Variants in WWC1 observed in about 807,000 individuals in gnomAD.
WWC1 encodes WW and C2 domain containing 1.
WWC1 carries 55 observed loss-of-function variants against 138.4 expected under a neutral mutation model. That is an observed-to-expected ratio of 0.40 (90% CI 0.32 to 0.50). The LOEUF (loss-of-function observed/expected upper bound fraction) is 0.50, where lower values mean the gene tolerates loss of function less well. Among genes scored for constraint, WWC1 ranks in the 20% least tolerant of loss-of-function variants. The pLI is 0.72. For missense variants in WWC1, 1,226 were observed against 1,420.4 expected, an observed-to-expected ratio of 0.86 and a Z score of 2.20; for synonymous variants, 524 against 564.9, an observed-to-expected ratio of 0.93 and a Z score of 1.03.
chr5:168,375,290 G>A (rs1582081308), intron 2 of WWC1, among the ~76,000 whole-genome samples: 1 of 152,276 alleles, frequency 6.6e-6, no homozygotes, highest in Non-Finnish European at 1.5e-5. Flanking sequence ...TTCTGAGAAA[G>A]AGTGATCAGA....
intron 1 of WWC1, among the ~76,000 whole-genome samples, chr5:168,350,703 C>A (rs145019173): frequency 2.0e-5 from 3 of 152,334 alleles, no homozygotes; most frequent in Non-Finnish European, 2.9e-5. Flanking sequence ...TTCATTCATT[C>A]ATTCTTCTGC....
chr5:168,347,577 C>T (rs994252370), intron 1 of WWC1, among the ~76,000 whole-genome samples: 15 of 152,186 alleles, frequency 9.9e-5, no homozygotes, highest in Non-Finnish European at 1.8e-4. Flanking sequence ...CTGTTTCTGT[C>T]ATTCTGTCAG....
intron 1 of WWC1, among the ~76,000 whole-genome samples, chr5:168,351,143 TCAAAAAAAAAAAAAAA>T (rs1353766347): frequency 7.4e-6 from 1 of 134,400 alleles, no homozygotes; most frequent in Non-Finnish European, 1.6e-5. Flanking sequence ...AGACCTTGTC[TCAAAAAAAAAAAAAAA>T]AATCCCAGCT....
chr5:168,302,706 T>A (rs1432786496), intron 1 of WWC1, among the ~76,000 whole-genome samples: 1 of 152,166 alleles, frequency 6.6e-6, no homozygotes, highest in Non-Finnish European at 1.5e-5. Context: ...ATAGTAGAAA[T>A]ACCAGGCTCT....
At chr5:168,404,698 C>T (rs540869730) in intron 5 of WWC1, among the ~76,000 whole-genome samples, 6 of 152,236 alleles carry the variant, frequency 3.9e-5, no homozygotes, top group Admixed American at 2.0e-4. Context: ...GTGGTGTTCC[C>T]GCAGACTGTA....
intron 9 of WWC1, chr5:168,415,001 T>G (rs1337004035): frequency 1.2e-5 from 2 of 173,358 alleles, no homozygotes; most frequent in Non-Finnish European, 2.5e-5. Context: ...TCTGATGTTT[T>G]CTCCCTTCTG....
At chr5:168,351,019 T>C (rs1398511185) in intron 1 of WWC1, among the ~76,000 whole-genome samples, 1 of 151,974 alleles carries the variant, frequency 6.6e-6, no homozygotes, top group Non-Finnish European at 1.5e-5. Context: ...TGGTGGTGCA[T>C]GCCTGTAATC....
At chr5:168,453,409 TGA>T (rs1168212759) in intron 17 of WWC1, among the ~76,000 whole-genome samples, 4 of 152,036 alleles carry the variant, frequency 2.6e-5, no homozygotes, top group Admixed American at 2.6e-4. Flanking sequence ...GCCTAGTGGG[TGA>T]TTAAACTGGG....
intron 7 of WWC1, among the ~76,000 whole-genome samples, chr5:168,409,003 T>C (rs1257391773): frequency 1.3e-5 from 2 of 152,188 alleles, no homozygotes; most frequent in Non-Finnish European, 2.9e-5. Flanking sequence ...TCCATTTTCA[T>C]TTTTCTTTCC....
In WWC1 at chr5:168,431,433, G is replaced by A. The variant is rs755882550; in HGVS notation, c.2269G>A (p.Glu757Lys). ...CTGTACCACCGACAGGAGCCATCTG[G>A]AAGAGTGCCTGGTAAGGGCCGTGTC... ...DVCTTDRSHL[E>K]ECLGGAQISL... is the part of the protein sequence containing the mutation. The change falls in exon 15 of 23, where the codon GAA becomes AAA. Residue 757 changes from glutamate (E) to lysine (K), a missense_variant. This residue lies in a region of WWC1 where 1,016 missense variants were observed against 1,153.9 expected (regional missense o/e 0.88). Coordinates refer to ENST00000265293, the MANE Select transcript of WWC1 (RefSeq NM_015238.3). 6.2e-7 allele frequency: 1 copy of A among 1,611,304 alleles called. No homozygotes were observed. Among genetic ancestry groups the A allele is most frequent in the Non-Finnish European group, 8.5e-7 (1 of 1,179,550 alleles).
At chr5:168,384,203 C>T (rs1160211276) in intron 2 of WWC1, among the ~76,000 whole-genome samples, 1 of 152,082 alleles carries the variant, frequency 6.6e-6, no homozygotes, top group Non-Finnish European at 1.5e-5. Flanking sequence ...CTTAACCTCT[C>T]TACGTCTCAG....
At chr5:168,415,745 C>G (rs896072406) in intron 9 of WWC1, 1 of 129,894 alleles carries the variant, frequency 7.7e-6, no homozygotes, top group African/African-American at 3.0e-5. Flanking sequence ...CAGCAAGGTC[C>G]CTGCCCGTAA....
intron 2 of WWC1, 66 bp downstream of exon 2, chr5:168,371,599 C>A: frequency 1.6e-6 from 2 of 1,217,830 alleles, no homozygotes; most frequent in East Asian, 2.4e-5. Flanking sequence ...GCCCATCCTC[C>A]CTCCAAGTCT....
intron 1 of WWC1, among the ~76,000 whole-genome samples, chr5:168,333,670 G>A (rs1159820113): frequency 6.6e-6 from 1 of 152,120 alleles, no homozygotes; most frequent in African/African-American, 2.4e-5. Flanking sequence ...GTGCAGGAGA[G>A]GGACATTTGG....
Position 168,424,052 on chromosome 5 carries a change from C to A in WWC1, c.1794C>A (p.Gly598=). Residue 598 remains glycine (G), a synonymous_variant, in exon 11 of 23, where the codon GGC becomes GGA. Transcript: ENST00000265293. ...RYRLEEPGTE[G]KQLGQAVNTA... ...GGCTGGAGGAACCAGGAACGGAGGG[C>A]AAGCAGCTGGGCCAAGGTAGAGAGC... The A allele has an allele frequency of 6.2e-7, 1 of 1,601,990 alleles. No individual in the cohort carries two copies. Among genetic ancestry groups the A allele is most frequent in the South Asian group, 1.1e-5 (1 of 87,980 alleles).
At chr5:168,455,541 CT>C (rs1386733493) in intron 19 of WWC1, 21 bp downstream of exon 19, 1 of 1,608,530 alleles carries the variant, frequency 6.2e-7, no homozygotes, top group Admixed American at 1.7e-5. Context: ...GTGCGGCCCT[CT>C]TCTGCTCCCC....
At chr5:168,403,088 T>TTTCTTCCTTTTCTTTCTTTTC (rs374804391) in intron 5 of WWC1, among the ~76,000 whole-genome samples, 2 of 124,190 alleles carry the variant, frequency 1.6e-5, no homozygotes, top group Non-Finnish European at 3.3e-5. Flanking sequence ...CTTTTCTTTC[T>TTTCTTCCTTTTCTTTCTTTTC]TTTCTTTCTT....
At chr5:168,309,498 G>A (rs1042871876) in intron 1 of WWC1, among the ~76,000 whole-genome samples, 17 of 152,124 alleles carry the variant, frequency 1.1e-4, no homozygotes, top group African/African-American at 4.1e-4. Context: ...TACCTACCCA[G>A]CCCCCTCTCC....
intron 1 of WWC1, among the ~76,000 whole-genome samples, chr5:168,336,384 A>G (rs192482089): frequency 1.3e-5 from 2 of 152,202 alleles, no homozygotes; most frequent in Admixed American, 1.3e-4. Context: ...CACCCTGGTC[A>G]ATGTGGTGAA....
Sources: gnomAD v4.1 joint callset for allele counts (sites outside exome capture counted in the v4.1 genomes callset) on GRCh38, gnomAD v4.1.1 for gene constraint, gnomAD v4.1.1 regional missense constraint, MANE v1.5 for transcripts, NCBI Gene and HGNC (gene_info 2026-07-23, HGNC 2026-07-21) for gene names.